The following NIBAN2 variants were observed in gnomAD, a reference collection of about 807,000 sequenced individuals.
NIBAN2 encodes protein Niban 2.
Under a neutral mutation model 81.8 loss-of-function variants are expected in NIBAN2, and 36 were observed. The ratio of observed to expected loss-of-function variants is 0.44; its 90% CI spans 0.34 to 0.58. The LOEUF is 0.58. Among genes scored for constraint, NIBAN2 ranks in the 20% least tolerant of loss-of-function variants. The pLI is 0.02. For missense variants in NIBAN2, 897 were observed against 1,014.1 expected, an observed-to-expected ratio of 0.88 and a Z score of 1.57; for synonymous variants, 445 against 441.6, an observed-to-expected ratio of 1.01 and a Z score of -0.10.
intron 1 of NIBAN2, among the ~76,000 whole-genome samples, chr9:127,576,564 G>A (rs115365503): frequency 1.3e-4 from 20 of 152,040 alleles, no homozygotes; most frequent in African/African-American, 4.1e-4. Context: ...CACAACTTTT[G>A]GGGAACACCC....
At chr9:127,554,130 C>T (rs1052140882) in intron 1 of NIBAN2, among the ~76,000 whole-genome samples, 1 of 152,244 alleles carries the variant, frequency 6.6e-6, no homozygotes, top group African/African-American at 2.4e-5. Context: ...ACAGAGCCTA[C>T]CTAACACAAA....
intron 1 of NIBAN2, among the ~76,000 whole-genome samples, chr9:127,549,304 TCA>T (rs772676064): frequency 5.3e-5 from 8 of 152,040 alleles, no homozygotes; most frequent in Non-Finnish European, 8.8e-5. Flanking sequence ...CACCCACCAT[TCA>T]CACACACGTG....
At chr9:127,578,948 G>A (rs1220362264) in exon 1 of NIBAN2, 1 of 1,609,224 alleles carries the variant, frequency 6.2e-7, no homozygotes, top group South Asian at 1.1e-5. Flanking sequence ...CCTCCAGAGT[G>A]AGAGCCCCAA....
chr9:127,517,782 T>A lies in NIBAN2; in HGVS notation c.705+44A>T. ...CCCCCTGCCCTCCCCTGCTGGGTCC[T>A]TGGGTGACTTCTGAGGTTTCCTCAC... On this transcript the variant is annotated intron_variant, in intron 6 of 13. Coordinates refer to ENST00000373312, the MANE Select transcript of NIBAN2 (RefSeq NM_022833.4). The surrounding 1 kb of genome is among the most constrained non-coding windows in gnomAD (Gnocchi z 4.0). 7.7e-6 allele frequency: 11 copies of A among 1,431,048 alleles called. No individual in the cohort carries two copies. The highest frequency in any genetic ancestry group is 1.4e-5 in the African/African-American group (1 of 71,358). The allele number at this position is 1,431,048 out of a possible 1,614,324, so 88.6% of individuals were successfully genotyped here.
intron 8 of NIBAN2, among the ~76,000 whole-genome samples, chr9:127,510,618 G>T (rs1836720628): frequency 6.6e-6 from 1 of 152,038 alleles, no homozygotes. Context: ...TATATTTTTA[G>T]TAGAGACGGG....
chr9:127,522,055 A>G (rs1836954299), intron 5 of NIBAN2, among the ~76,000 whole-genome samples: 1 of 152,154 alleles, frequency 6.6e-6, no homozygotes, highest in African/African-American at 2.4e-5. Context: ...ACCTGGAGAG[A>G]TGGCACCAGG....
chr9:127,562,116 T>C (rs1259846971), intron 1 of NIBAN2, among the ~76,000 whole-genome samples: 3 of 152,090 alleles, frequency 2.0e-5, no homozygotes, highest in African/African-American at 7.2e-5. Flanking sequence ...GACTGAGTAA[T>C]GACGGGTGGG....
intron 1 of NIBAN2, among the ~76,000 whole-genome samples, chr9:127,532,770 C>T (rs1215702467): frequency 6.6e-6 from 1 of 151,970 alleles, no homozygotes; most frequent in Non-Finnish European, 1.5e-5. Flanking sequence ...CAGTGGCTCA[C>T]ACCTATAATC....
chr9:127,577,264 C>A (rs982484847), intron 1 of NIBAN2, among the ~76,000 whole-genome samples: 1 of 152,026 alleles, frequency 6.6e-6, no homozygotes, highest in East Asian at 1.9e-4. Flanking sequence ...GCCGAGATTG[C>A]GCCACTGTAC....
At chr9:127,550,796 C>T (rs1186936030) in intron 1 of NIBAN2, among the ~76,000 whole-genome samples, 1 of 152,200 alleles carries the variant, frequency 6.6e-6, no homozygotes, top group Non-Finnish European at 1.5e-5. Flanking sequence ...CACATATCAG[C>T]AGCAGAAAAG....
Position 127,509,000 on chromosome 9 carries a change from C to T in NIBAN2, c.1293G>A (p.Gln431=), listed in dbSNP as rs1836674370. The change falls in exon 10 of 14, where the codon CAG becomes CAA. Residue 431 remains glutamine (Q), a synonymous_variant. Coordinates refer to ENST00000373312, the MANE Select transcript of NIBAN2 (RefSeq NM_022833.4). This position sits in a 1 kb window ranked among gnomAD's most constrained non-coding sequence, Gnocchi z 6.4. The stretch of plus-strand genomic sequence containing the variant: ...CCTCCCGCATGTGGATCTGGGCTCG[C>T]TGCTTGAACACGGACGTGCTGGACA... The part of the protein sequence containing the change: ...FDVSSTSVFK[Q]RAQIHMREQM... The T allele has an allele frequency of 5.6e-6, 9 of 1,613,920 alleles. No homozygotes were observed. The highest frequency in any genetic ancestry group is 7.6e-6 in the Non-Finnish European group (9 of 1,180,006).
chr9:127,528,549 T>C (rs1837120278), intron 2 of NIBAN2, among the ~76,000 whole-genome samples: 1 of 151,808 alleles, frequency 6.6e-6, no homozygotes, highest in South Asian at 2.1e-4. Context: ...TGTCCCCCTC[T>C]CCCCAGCTCC....
intron 1 of NIBAN2, among the ~76,000 whole-genome samples, chr9:127,578,656 G>A (rs1393784769): frequency 6.7e-6 from 1 of 150,166 alleles, no homozygotes; most frequent in Non-Finnish European, 1.5e-5. Context: ...TGACAAGAGT[G>A]AAACTCCGCC....
rs982633259 is a variant in NIBAN2, at chr9:127,517,661, G to A, written c.705+165C>T. On this transcript the variant is annotated intron_variant, in intron 6 of 13. Coordinates refer to ENST00000373312, the MANE Select transcript of NIBAN2 (RefSeq NM_022833.4). The surrounding 1 kb of genome is among the most constrained non-coding windows in gnomAD (Gnocchi z 4.0). ...CAGTAAGTGATGAATAAGACAGCGA[G>A]TATCTCCACGTGCACTGGCCCTGCA... Among the ~76,000 whole-genome samples the A allele has an allele frequency of 6.6e-6, 1 of 152,142 alleles. No individual in the cohort carries two copies. The highest frequency in any genetic ancestry group is 1.5e-5 in the Non-Finnish European group (1 of 68,030).
rs1564294664 is a variant in NIBAN2, at chr9:127,510,320, G to A, written c.987C>T (p.Pro329=). The stretch of plus-strand genomic sequence containing the variant: ...GGTTCCGCACGCACACCTCTGCCTT[G>A]GGGAGGATGAAGGCTGTGCCCCGAG... ...LASKIRAFIL[P]KAEVCVRNHV... is the part of the protein sequence containing the mutation. The change falls in exon 9 of 14, where the codon CCC becomes CCT. Residue 329 remains proline, a synonymous_variant. Coordinates refer to ENST00000373312, the MANE Select transcript of NIBAN2 (RefSeq NM_022833.4). 2 of 1,606,538 alleles carry A rather than the reference G, an allele frequency of 1.2e-6. No homozygotes were observed.
chr9:127,550,026 G>A (rs759111837), intron 1 of NIBAN2, among the ~76,000 whole-genome samples: 7 of 152,130 alleles, frequency 4.6e-5, no homozygotes, highest in Admixed American at 6.6e-5. Context: ...TGCTTCCCCG[G>A]GGGAGTCCCT....
chr9:127,538,129 A>C (rs1329717540), intron 1 of NIBAN2, among the ~76,000 whole-genome samples: 1 of 152,138 alleles, frequency 6.6e-6, no homozygotes, highest in Non-Finnish European at 1.5e-5. Context: ...CAACCCTTTC[A>C]GCAAGTTGGT....
At chr9:127,576,086 C>T (rs1250615142) in intron 1 of NIBAN2, among the ~76,000 whole-genome samples, 2 of 152,198 alleles carry the variant, frequency 1.3e-5, no homozygotes, top group African/African-American at 4.8e-5. Flanking sequence ...GACTGTCCTC[C>T]TTCGACATGA....
chr9:127,509,779 TCTCCTTCC>T (rs1162154537), intron 9 of NIBAN2: 1 of 85,870 alleles, frequency 1.2e-5, no homozygotes, highest in Non-Finnish European at 2.3e-5. Flanking sequence ...TCTCCCCTCC[TCTCCTTCC>T]CTCCTTCCCT....
Sources: gnomAD v4.1 joint callset for allele counts (sites outside exome capture counted in the v4.1 genomes callset) on GRCh38, gnomAD v4.1.1 for gene constraint, Gnocchi (gnomAD v3.1) non-coding constraint, MANE v1.5 for transcripts, NCBI Gene and HGNC (gene_info 2026-07-23, HGNC 2026-07-21) for gene names.